RIN2: variants seen among roughly 807,000 people sequenced by gnomAD.
RIN2 encodes RAB5 interacting protein 2.
In RIN2, 36 loss-of-function variants were observed where a neutral mutation model predicts 78.0. The observed-to-expected ratio is 0.46, with a 90% CI of 0.35 to 0.61. The LOEUF (loss-of-function observed/expected upper bound fraction) is 0.61, where lower values mean the gene tolerates loss of function less well. Among genes scored for constraint, RIN2 ranks in the 20% least tolerant of loss-of-function variants. The pLI is 0.00. For missense variants in RIN2, 1,087 were observed against 1,159.7 expected (o/e 0.94, Z 0.91); for synonymous variants, 466 against 466.8 (o/e 1.00, Z 0.02).
intron 2 of RIN2, among the ~76,000 whole-genome samples, chr20:19,816,377 G>A (rs145952594): frequency 1.3e-3 from 201 of 151,690 alleles, no homozygotes; most frequent in African/African-American, 4.6e-3. Flanking sequence ...GGGCTTTGGC[G>A]GCTATGTCTG....
In RIN2 at chr20:19,896,333, C is replaced by T. The variant is rs1600723763; in HGVS notation, c.57+6675C>T. On this transcript the variant is annotated intron_variant, in intron 3 of 12. Coordinates refer to ENST00000255006, the MANE Select transcript of RIN2 (RefSeq NM_018993.4). ...CCTCCCAAGTAGCTGGGATTACAGG[C>T]ATGCGCCACCACACCCAGCTAATTT... 1.3e-5 allele frequency among the ~76,000 whole-genome samples: 2 copies of T among 152,162 alleles called. 1 individual carries two copies. Among genetic ancestry groups the T allele is most frequent in the South Asian group, 4.1e-4 (2 of 4,828 alleles).
chr20:19,790,857 T>G (rs1488482978), intron 1 of RIN2, among the ~76,000 whole-genome samples: 1 of 152,182 alleles, frequency 6.6e-6, no homozygotes, highest in Non-Finnish European at 1.5e-5. Flanking sequence ...CTCCCATAGG[T>G]TTGCATTGTA....
chr20:19,766,913 GAA>G (rs749280521), intron 1 of RIN2, among the ~76,000 whole-genome samples: 8 of 109,028 alleles, frequency 7.3e-5, no homozygotes, highest in Admixed American at 2.0e-4. Context: ...CTCCATCTCA[GAA>G]AAAAAAAAAA....
intron 12 of RIN2, among the ~76,000 whole-genome samples, chr20:19,998,248 C>T (rs2043032948): frequency 6.6e-6 from 1 of 151,832 alleles, no homozygotes. Context: ...TCCCAAAGTG[C>T]TGGGATTACA....
chr20:19,765,361 C>T (rs2033841325), intron 1 of RIN2, among the ~76,000 whole-genome samples: 1 of 152,154 alleles, frequency 6.6e-6, no homozygotes, highest in Non-Finnish European at 1.5e-5. Flanking sequence ...TGTGTTCAGG[C>T]CACACATGCA....
At chr20:19,835,853 G>A (rs766557876) in intron 2 of RIN2, among the ~76,000 whole-genome samples, 2 of 152,164 alleles carry the variant, frequency 1.3e-5, no homozygotes, top group Non-Finnish European at 2.9e-5. Context: ...AGCTACAGAA[G>A]GAAAGGTTCC....
At chr20:19,875,247 C>T (rs1288897714) in intron 2 of RIN2, among the ~76,000 whole-genome samples, 2 of 152,132 alleles carry the variant, frequency 1.3e-5, no homozygotes, top group African/African-American at 4.8e-5. Context: ...CAACCTCCAC[C>T]TCCCGGGTTG....
rs778191192 is a variant in RIN2, at chr20:19,975,283, C to G, written c.1258C>G (p.Pro420Ala). 3 of 1,598,496 alleles carry G rather than the reference C, an allele frequency of 1.9e-6. No homozygotes were observed. The change falls in exon 9 of 13, where the codon CCC (proline) becomes GCC (alanine). Residue 420 changes from proline to alanine, a missense_variant. Pro to Ala is a conservative substitution (Grantham distance 27). Coordinates refer to ENST00000255006, the MANE Select transcript of RIN2 (RefSeq NM_018993.4). The surrounding 1 kb of genome is among the most constrained non-coding windows in gnomAD (Gnocchi z 4.9). ...RAPPPSSESR[P>A]PCHGGRQRLS... is the part of the protein sequence containing the mutation. ...CCCGCCGCCCAGCTCTGAATCACGG[C>G]CCCCGTGCCATGGAGGCCGGCAGCG...
At chr20:19,873,217 T>A (rs373280171) in intron 2 of RIN2, among the ~76,000 whole-genome samples, 1 of 152,136 alleles carries the variant, frequency 6.6e-6, no homozygotes, top group African/African-American at 2.4e-5. Flanking sequence ...CTTGATCTCC[T>A]GGGCTCAGGT....
At chr20:19,886,629 T>TTTTCTTGCTTTTTGC in intron 2 of RIN2, 1 of 863,638 alleles carries the variant, frequency 1.2e-6, no homozygotes. Context: ...TTTTTTTTTT[T>TTTTCTTGCTTTTTGC]TTGCTAGCTT....
At chr20:19,792,660 A>G (rs1402504880) in intron 1 of RIN2, among the ~76,000 whole-genome samples, 1 of 152,184 alleles carries the variant, frequency 6.6e-6, no homozygotes, top group Non-Finnish European at 1.5e-5. Context: ...TTGGTGATTG[A>G]CAAGCCAAAG....
intron 1 of RIN2, among the ~76,000 whole-genome samples, chr20:19,796,748 G>A (rs937846382): frequency 4.8e-4 from 73 of 152,158 alleles, no homozygotes; most frequent in African/African-American, 1.7e-3. Context: ...AGCTTCACAG[G>A]TGTGCAGCCA....
chr20:19,804,826 T>G (rs1895188802), intron 2 of RIN2, among the ~76,000 whole-genome samples: 1 of 150,814 alleles, frequency 6.6e-6, no homozygotes, highest in African/African-American at 2.5e-5. Context: ...TCCATGTGGG[T>G]TTTTTTTGTT....
At chr20:19,989,228 A>G (rs918053802) in intron 9 of RIN2, among the ~76,000 whole-genome samples, 4 of 149,966 alleles carry the variant, frequency 2.7e-5, no homozygotes, top group African/African-American at 1.0e-4. Flanking sequence ...CTGATCCAAG[A>G]TCACATACTA....
At chr20:19,810,765 CT>C (rs1413411825) in intron 2 of RIN2, among the ~76,000 whole-genome samples, 11 of 140,422 alleles carry the variant, frequency 7.8e-5, no homozygotes. Flanking sequence ...GTGATCTCGG[CT>C]CACTGCAAGC....
chr20:19,823,883 C>A (rs559325986), intron 2 of RIN2: 1 of 1,602,732 alleles, frequency 6.2e-7, no homozygotes, highest in East Asian at 2.2e-5. Context: ...GCACCGACTT[C>A]ACCTCCGGTG....
intron 2 of RIN2, chr20:19,823,568 A>G: frequency 1.4e-6 from 2 of 1,470,694 alleles, no homozygotes; most frequent in Non-Finnish European, 1.9e-6. Context: ...GTGGTTCCAG[A>G]GAGTTCTCTG....
chr20:19,896,594 C>A (rs369085777), intron 3 of RIN2, among the ~76,000 whole-genome samples: 1 of 152,224 alleles, frequency 6.6e-6, no homozygotes, highest in African/African-American at 2.4e-5. Context: ...AGCCCACAGG[C>A]CTCTCAGCAC....
chr20:19,786,681 A>G (rs76698142), intron 1 of RIN2, among the ~76,000 whole-genome samples: 4,005 of 152,312 alleles, frequency 0.026, 97 homozygotes, highest in African/African-American at 0.064. Context: ...ATGAGGATGC[A>G]TGAAGCGTGA....
Sources: gnomAD v4.1 joint callset for allele counts (sites outside exome capture counted in the v4.1 genomes callset) on GRCh38, gnomAD v4.1.1 for gene constraint, Gnocchi (gnomAD v3.1) non-coding constraint, MANE v1.5 for transcripts, NCBI Gene and HGNC (gene_info 2026-07-23, HGNC 2026-07-21) for gene names.